MDGA2: variants seen among roughly 807,000 people sequenced by gnomAD.
The protein encoded by MDGA2 is MAM domain containing glycosylphosphatidylinositol anchor 2.
Under a neutral mutation model 117.8 loss-of-function variants are expected in MDGA2, and 40 were observed. That is an observed-to-expected ratio of 0.34 (90% CI 0.26 to 0.44). The LOEUF is 0.44. Among genes scored for constraint, MDGA2 ranks in the 20% least tolerant of loss-of-function variants. MDGA2 has a pLI of 1.00. For missense variants in MDGA2, 1,123 were observed against 1,250.6 expected, an observed-to-expected ratio of 0.90 and a Z score of 1.54; for synonymous variants, 452 against 439.0, an observed-to-expected ratio of 1.03 and a Z score of -0.37.
chr14:47,033,180 T>C (rs1014411687), intron 8 of MDGA2, among the ~76,000 whole-genome samples: 1 of 152,172 alleles, frequency 6.6e-6, no homozygotes, highest in Non-Finnish European at 1.5e-5. Flanking sequence ...AGCGGACTAA[T>C]TAAGAAGCAG....
chr14:46,938,278 C>T (rs914240237), intron 9 of MDGA2, among the ~76,000 whole-genome samples: 8 of 151,896 alleles, frequency 5.3e-5, no homozygotes, highest in African/African-American at 1.5e-4. Context: ...GTGGCTCATG[C>T]CTGTAATCCC....
At chr14:47,086,094 GTTT>G (rs11331632) in intron 6 of MDGA2, among the ~76,000 whole-genome samples, 2 of 141,774 alleles carry the variant, frequency 1.4e-5, no homozygotes, top group African/African-American at 2.6e-5. Flanking sequence ...AATGTGTAAG[GTTT>G]TTTTTTTTTG....
intron 1 of MDGA2, among the ~76,000 whole-genome samples, chr14:47,407,487 T>G (rs1367810084): frequency 6.6e-6 from 1 of 152,180 alleles, no homozygotes. Context: ...GTGAATTCTT[T>G]ATAGAATTCC....
intron 1 of MDGA2, among the ~76,000 whole-genome samples, chr14:47,463,458 T>C (rs1893534453): frequency 6.6e-6 from 1 of 152,122 alleles, no homozygotes; most frequent in Non-Finnish European, 1.5e-5. Context: ...CAAATAATTG[T>C]ACATCTTACA....
intron 1 of MDGA2, among the ~76,000 whole-genome samples, chr14:47,513,920 T>G (rs200707713): frequency 6.6e-6 from 1 of 152,294 alleles, no homozygotes; most frequent in East Asian, 1.9e-4. Context: ...TAGTCTAAGA[T>G]GAATATGTAA....
At chr14:47,640,107 C>T (rs966762012) in intron 1 of MDGA2, among the ~76,000 whole-genome samples, 2 of 152,148 alleles carry the variant, frequency 1.3e-5, no homozygotes, top group African/African-American at 2.4e-5. Flanking sequence ...GGAGCGTCTT[C>T]GCACATTTAA....
At chr14:47,217,889 A>T in intron 3 of MDGA2, 132 bp downstream of exon 3, 1 of 632,156 alleles carries the variant, frequency 1.6e-6, no homozygotes, top group South Asian at 4.0e-5. Flanking sequence ...GTTTTAAGGG[A>T]GCTATCATTA....
At chr14:47,471,083 T>C (rs966769010) in intron 1 of MDGA2, among the ~76,000 whole-genome samples, 4 of 152,128 alleles carry the variant, frequency 2.6e-5, no homozygotes, top group Admixed American at 6.6e-5. Context: ...ACCACTGTTT[T>C]AGTGTCCTCA....
chr14:47,293,420 G>A (rs1333900312), intron 2 of MDGA2, among the ~76,000 whole-genome samples: 1 of 152,104 alleles, frequency 6.6e-6, no homozygotes, highest in African/African-American at 2.4e-5. Flanking sequence ...TCACACTCTA[G>A]ACCCACATTA....
chr14:47,575,591 T>C (rs989089454), intron 1 of MDGA2, among the ~76,000 whole-genome samples: 4 of 152,270 alleles, frequency 2.6e-5, no homozygotes, highest in South Asian at 2.1e-4. Context: ...GCCAACCTCA[T>C]AGGTAATCAT....
chr14:47,209,235 G>A (rs992883906), intron 3 of MDGA2, among the ~76,000 whole-genome samples: 1 of 152,024 alleles, frequency 6.6e-6, no homozygotes, highest in Non-Finnish European at 1.5e-5. Flanking sequence ...CAAAAGCCTT[G>A]TATTTTTGTT....
At chr14:47,489,514 T>C (rs1894126481) in intron 1 of MDGA2, among the ~76,000 whole-genome samples, 1 of 152,124 alleles carries the variant, frequency 6.6e-6, no homozygotes, top group Non-Finnish European at 1.5e-5. Flanking sequence ...TTGGGGGAGA[T>C]CATAGTGGTC....
rs112824417 is a variant in MDGA2 at position 47,431,432 on chromosome 14, A to G, written c.281-129882T>C. 4.4e-3 allele frequency among the ~76,000 whole-genome samples: 671 copies of G among 152,182 alleles called. 8 individuals are homozygous for G. Among genetic ancestry groups the G allele is most frequent in the African/African-American group, 0.014 (599 of 41,548 alleles). On this transcript the variant is annotated intron_variant, in intron 1 of 16. Coordinates refer to ENST00000399232, the MANE Select transcript of MDGA2 (RefSeq NM_001113498.3). ...ATGATATTCATGTCATTGGAATGCT[A>G]TGGGACTCATATGTGGAAAGATACA...
chr14:47,016,922 T>C (rs2138563602), intron 8 of MDGA2, among the ~76,000 whole-genome samples: 1 of 150,282 alleles, frequency 6.7e-6, no homozygotes, highest in South Asian at 2.1e-4. Context: ...TTTATATCTC[T>C]TATTCGTAGT....
chr14:47,105,988 C>G (rs1421250023), intron 5 of MDGA2, among the ~76,000 whole-genome samples: 5 of 148,700 alleles, frequency 3.4e-5, no homozygotes, highest in Non-Finnish European at 6.0e-5. Flanking sequence ...ACTAGCCCTC[C>G]CCCTCCTGCC....
intron 1 of MDGA2, among the ~76,000 whole-genome samples, chr14:47,461,167 T>C (rs1893475012): frequency 1.3e-5 from 2 of 152,182 alleles, no homozygotes; most frequent in African/African-American, 2.4e-5. Context: ...AGGCTAGACA[T>C]GGAGTCAAAT....
intron 5 of MDGA2, among the ~76,000 whole-genome samples, chr14:47,129,195 C>T (rs1191739066): frequency 1.3e-5 from 2 of 151,876 alleles, no homozygotes; most frequent in East Asian, 1.9e-4. Context: ...ACTGCACCCA[C>T]TAACTCGTCA....
intron 1 of MDGA2, among the ~76,000 whole-genome samples, chr14:47,548,338 T>C (rs1895505258): frequency 6.6e-6 from 1 of 152,188 alleles, no homozygotes; most frequent in African/African-American, 2.4e-5. Flanking sequence ...ATTGCTTTCC[T>C]GTTTCTTGCG....
chr14:47,493,430 A>G (rs560957823), intron 1 of MDGA2, among the ~76,000 whole-genome samples: 3 of 151,782 alleles, frequency 2.0e-5, no homozygotes, highest in Admixed American at 6.6e-5. Flanking sequence ...ATTCTCCTGC[A>G]TCAGTCTCCT....
Sources: allele counts gnomAD v4.1 joint callset (sites outside exome capture counted in the v4.1 genomes callset), GRCh38; gene constraint gnomAD v4.1.1; transcripts MANE v1.5; gene names NCBI Gene and HGNC (gene_info 2026-07-23, HGNC 2026-07-21).